BRD4: variants seen among roughly 807,000 people sequenced by gnomAD.
The protein encoded by BRD4 is bromodomain-containing protein 4.
Under a neutral mutation model 142.1 loss-of-function variants are expected in BRD4, and 16 were observed. The ratio of observed to expected loss-of-function variants is 0.11; its 90% CI spans 0.08 to 0.17. The LOEUF (loss-of-function observed/expected upper bound fraction) is 0.17. Ranked by LOEUF, BRD4 falls within the 10% of genes least tolerant of loss-of-function variation. The pLI is 1.00. For synonymous variants in BRD4, 833 were observed against 707.5 expected (o/e 1.18, Z -2.82); for missense variants, 1,424 against 1,810.9 (o/e 0.79, Z 3.88).
At chr19:15,276,810 G>C (rs1418361504) in intron 1 of BRD4, among the ~76,000 whole-genome samples, 1 of 152,188 alleles carries the variant, frequency 6.6e-6, no homozygotes, top group Non-Finnish European at 1.5e-5. Context: ...CTCAGCGGTT[G>C]ACATGGCATT....
At chr19:15,317,786 G>A (rs1269419732) in intron 1 of BRD4, among the ~76,000 whole-genome samples, 1 of 152,196 alleles carries the variant, frequency 6.6e-6, no homozygotes, top group African/African-American at 2.4e-5. Flanking sequence ...ACTCAAAAGG[G>A]CCCAATAGAG....
rs747605396 is a variant in BRD4 at position 15,239,921 on chromosome 19, G to T, written c.3271C>A (p.Pro1091Thr). 6.2e-7 allele frequency: 1 copy of T among 1,614,108 alleles called. No individual in the cohort carries two copies. The highest frequency in any genetic ancestry group is 1.1e-5 in the South Asian group (1 of 91,082). The change falls in exon 15 of 20, where the codon CCT becomes ACT. Residue 1091 changes from proline (P) to threonine (T), a missense_variant. By Grantham distance (38) the Pro-to-Thr change is conservative (BLOSUM62 -1). This residue lies in a region of BRD4 where 598 missense variants were observed against 647.8 expected (regional missense o/e 0.92). Transcript: ENST00000679869. This position sits in a 1 kb window ranked among gnomAD's most constrained non-coding sequence, Gnocchi z 7.4. ...HQSPPQQNVQ[P>T]KKQELRAASV... is the part of the protein sequence containing the mutation. ...GCCCTGCCAGTTACCTGTTTCTTAG[G>T]CTGGACGTTTTGCTGGGGTGGAGAC...
rs191516080 is a variant in BRD4 at position 15,314,605 on chromosome 19, C to T, written c.-35+17685G>A. On this transcript the variant is annotated intron_variant, in intron 1 of 19. Coordinates refer to ENST00000679869, the MANE Select transcript of BRD4 (RefSeq NM_001379291.1). ...TGCATTCCAGGCTTGCACATCCAAC[C>T]GCTTCAATGACAGCATCCATGAGGA... 4.6e-5 allele frequency among the ~76,000 whole-genome samples: 7 copies of T among 152,248 alleles called. No individual in the cohort carries two copies. The East Asian group carries it at 1.4e-3, about 29-fold the overall frequency.
intron 1 of BRD4, among the ~76,000 whole-genome samples, chr19:15,312,058 T>C (rs1301777118): frequency 1.3e-5 from 2 of 152,230 alleles, no homozygotes; most frequent in African/African-American, 4.8e-5. Context: ...ATTTTATGTT[T>C]TGAAACACAT....
At chr19:15,318,223 T>C (rs2048032438) in intron 1 of BRD4, among the ~76,000 whole-genome samples, 1 of 152,088 alleles carries the variant, frequency 6.6e-6, no homozygotes, top group Admixed American at 6.6e-5. Flanking sequence ...CCAAGACCAA[T>C]GGTACATGAA....
rs796315339 is a variant in BRD4 at position 15,237,245 on chromosome 19, T to TGGGGGGGG, written c.*1124_*1131dup. 6 of 23,138 alleles carry TGGGGGGGG rather than the reference T, an allele frequency of 2.6e-4. No homozygotes were observed. Among genetic ancestry groups the TGGGGGGGG allele is most frequent in the African/African-American group, 6.5e-4 (2 of 3,068 alleles). The allele number at this position is 23,138 out of a possible 1,614,324, so 1.4% of individuals were successfully genotyped here. On this transcript the variant is annotated 3_prime_UTR_variant, in exon 20 of 20. Transcript: ENST00000679869. ...AAAAACAAAAAAGCCAACAAATGGG[T>TGGGGGGGG]GGGGGGGGGGGGGGTGGAGGGGAAA...
chr19:15,304,511 T>G (rs1188546869), intron 1 of BRD4, among the ~76,000 whole-genome samples: 1 of 152,216 alleles, frequency 6.6e-6, no homozygotes, highest in Non-Finnish European at 1.5e-5. Context: ...CTATACATTT[T>G]CCAGGCCGCC....
intron 7 of BRD4, among the ~76,000 whole-genome samples, chr19:15,262,004 GA>G (rs1160457098): frequency 3.9e-5 from 6 of 152,208 alleles, no homozygotes; most frequent in African/African-American, 1.4e-4. Flanking sequence ...CTTCACAAGG[GA>G]AGTGTTTATC....
chr19:15,327,753 C>G (rs1353500779), intron 1 of BRD4, among the ~76,000 whole-genome samples: 1 of 151,480 alleles, frequency 6.6e-6, no homozygotes, highest in Non-Finnish European at 1.5e-5. Context: ...GGAAACAGTA[C>G]AGTGAGTGAA....
chr19:15,311,076 A>T (rs1002191724), intron 1 of BRD4, among the ~76,000 whole-genome samples: 6 of 151,880 alleles, frequency 4.0e-5, no homozygotes, highest in Non-Finnish European at 7.4e-5. Flanking sequence ...GGATCCCTTG[A>T]GGCCAGGAGT....
intron 1 of BRD4, among the ~76,000 whole-genome samples, chr19:15,284,114 T>C (rs2047724210): frequency 6.6e-6 from 1 of 152,162 alleles, no homozygotes; most frequent in Non-Finnish European, 1.5e-5. Flanking sequence ...GATATTACCC[T>C]GGGCACTTCA....
In BRD4 at chr19:15,239,583, A is replaced by T. The variant is rs2145501406; in HGVS notation, c.3446-61T>A. 1 of 1,565,284 alleles carries T rather than the reference A, an allele frequency of 6.4e-7. No homozygotes were observed. The highest frequency in any genetic ancestry group is 1.4e-5 in the African/African-American group (1 of 73,206). On this transcript the variant is annotated intron_variant, in intron 16 of 19. Coordinates refer to ENST00000679869, the MANE Select transcript of BRD4 (RefSeq NM_001379291.1). The surrounding 1 kb of genome is among the most constrained non-coding windows in gnomAD (Gnocchi z 7.4). ...TCACCCCAGTGGGGCATGGTCCACC[A>T]GCCCCACAGCAAGCTTATGTCCAAC... is the stretch of plus-strand genomic sequence containing the variant.
In BRD4 at chr19:15,264,623, T is replaced by A. The variant is rs764463585; in HGVS notation, c.993A>T (p.Pro331=). The A allele has an allele frequency of 6.2e-7, 1 of 1,613,994 alleles. No homozygotes were observed. Among genetic ancestry groups the A allele is most frequent in the Admixed American group, 1.7e-5 (1 of 60,016 alleles). ...RRESSRPVKP[P]KKDVPDSQQH... Reference sequence around the variant, plus strand: ...GCTGAGAGTCGGGCACGTCCTTCTTTGGAGGTTTCACAGGCCGGCTGCTCT... The same window carrying A: ...GCTGAGAGTCGGGCACGTCCTTCTTAGGAGGTTTCACAGGCCGGCTGCTCT... Residue 331 remains proline, a synonymous_variant, in exon 6 of 20, where the codon CCA becomes CCT. Transcript: ENST00000679869.
chr19:15,245,615 C>CTT (rs2047279231), intron 11 of BRD4, among the ~76,000 whole-genome samples: 2 of 152,286 alleles, frequency 1.3e-5, no homozygotes, highest in East Asian at 3.9e-4. Context: ...TCTGTCCTCA[C>CTT]CCCAGAGATT....
chr19:15,278,621 C>G (rs1253790839), intron 1 of BRD4, among the ~76,000 whole-genome samples: 1 of 141,892 alleles, frequency 7.0e-6, no homozygotes, highest in East Asian at 2.0e-4. Flanking sequence ...TTTTTTCAGA[C>G]AGCTACACAG....
chr19:15,255,339 G>A lies in BRD4; in HGVS notation c.2005C>T (p.Arg669Cys), dbSNP rs1305265035. 1.2e-6 allele frequency: 2 copies of A among 1,613,982 alleles called. No individual in the cohort carries two copies. Among genetic ancestry groups the A allele is most frequent in the Admixed American group, 1.7e-5 (1 of 60,002 alleles). Residue 669 changes from arginine (R) to cysteine (C), a missense_variant, in exon 10 of 20, where the codon CGC becomes TGC. Transcript: ENST00000679869. ...LKPSTLRELE[R>C]YVTSCLRKKR... ...TTCCGCAAACAGGAGGTGACATAGC[G>A]CTCCAGCTCACGCAGTGTGGACGGC...
chr19:15,302,847 A>C (rs1253585289), intron 1 of BRD4, among the ~76,000 whole-genome samples: 1 of 151,706 alleles, frequency 6.6e-6, no homozygotes, highest in East Asian at 1.9e-4. Flanking sequence ...CTACTAAAAA[A>C]TACAAAAAAA....
Position 15,242,999 on chromosome 19 carries a change from G to A in BRD4, c.3070C>T (p.Pro1024Ser), listed in dbSNP as rs376995207. ...TGCGGCGGGGGTGGCTGCTGGCCTG[G>A]GGGCGGATGGGGGGGCTGCTGGCCC... ...PQGQQPPHPPPGQQPPPPQPA... is the reference protein window; with the variant it reads ...PQGQQPPHPPSGQQPPPPQPA... The change falls in exon 14 of 20, where the codon CCA becomes TCA. Residue 1024 changes from proline (P) to serine (S), a missense_variant. Physicochemically the swap from Pro to Ser is moderately conservative, Grantham distance 74. Coordinates refer to ENST00000679869, the MANE Select transcript of BRD4 (RefSeq NM_001379291.1). 44 of 1,553,908 alleles carry A rather than the reference G, an allele frequency of 2.8e-5. 2 individuals are homozygous for A. The highest frequency in any genetic ancestry group is 1.9e-4 in the East Asian group (8 of 42,580).
intron 11 of BRD4, chr19:15,246,550 T>C (rs940555946): frequency 6.6e-6 from 1 of 152,048 alleles, no homozygotes; most frequent in Non-Finnish European, 1.5e-5. Context: ...AAAAAGTGTG[T>C]GTGCAAGGGA....
Sources: gnomAD v4.1 joint callset for allele counts (sites outside exome capture counted in the v4.1 genomes callset) on GRCh38, gnomAD v4.1.1 for gene constraint, gnomAD v4.1.1 regional missense constraint, Gnocchi (gnomAD v3.1) non-coding constraint, MANE v1.5 for transcripts, NCBI Gene and HGNC (gene_info 2026-07-23, HGNC 2026-07-21) for gene names.